ABL1: variants seen among roughly 807,000 people sequenced by gnomAD.
ABL1 encodes ABL proto-oncogene 1, non-receptor tyrosine kinase, also known as tyrosine-protein kinase ABL1.
In ABL1, 11 loss-of-function variants were observed where a neutral mutation model predicts 94.7. The observed-to-expected ratio is 0.12, with a 90% CI of 0.07 to 0.19. The LOEUF (loss-of-function observed/expected upper bound fraction) is 0.19. Ranked by LOEUF, ABL1 falls within the 10% of genes least tolerant of loss-of-function variation. The probability of loss-of-function intolerance (pLI) is 1.00; values close to 1 mark genes in which losing one functional copy is unlikely to be tolerated. For synonymous variants in ABL1, 656 were observed against 622.4 expected, an observed-to-expected ratio of 1.05 and a Z score of -0.80; for missense variants, 1,082 against 1,489.4, an observed-to-expected ratio of 0.73 and a Z score of 4.50.
chr9:130,721,697 G>T (rs1831515930), intron 1 of ABL1, among the ~76,000 whole-genome samples: 1 of 152,082 alleles, frequency 6.6e-6, no homozygotes, highest in East Asian at 1.9e-4. Context: ...GTGACAGAGT[G>T]AGACCCTGTC....
intron 1 of ABL1, among the ~76,000 whole-genome samples, chr9:130,773,936 T>C (rs547466009): frequency 6.6e-6 from 1 of 152,324 alleles, no homozygotes; most frequent in South Asian, 2.1e-4. Context: ...TATGATTCTT[T>C]GTAATTCTTC....
chr9:130,782,311 T>G (rs753038370), intron 1 of ABL1, among the ~76,000 whole-genome samples: 4 of 152,248 alleles, frequency 2.6e-5, no homozygotes, highest in Non-Finnish European at 5.9e-5. Flanking sequence ...TCCGCCTGCC[T>G]TGGCCTCCCA....
Position 130,863,169 on chromosome 9 carries a change from T to G in ABL1, c.822+134T>G. On this transcript the variant is annotated intron_variant, in intron 4 of 10. Transcript: ENST00000318560. This position sits in a 1 kb window ranked among gnomAD's most constrained non-coding sequence, Gnocchi z 4.3. ...TCATTGGCGCCACGGAATTGACTTT[T>G]CCGTCTTATATCATTCCTGTGTCTT... The G allele has an allele frequency of 9.8e-7, 1 of 1,025,160 alleles. No homozygotes were observed. The highest frequency in any genetic ancestry group is 2.6e-5 in the East Asian group (1 of 38,162). 63.5% of individuals were successfully genotyped at this position (1,025,160 alleles called of 1,614,324 possible).
intron 1 of ABL1, among the ~76,000 whole-genome samples, chr9:130,809,751 T>G (rs977740535): frequency 6.6e-6 from 1 of 152,200 alleles, no homozygotes; most frequent in Non-Finnish European, 1.5e-5. Context: ...TCACCCACAT[T>G]AGGGAGGCCA....
intron 1 of ABL1, among the ~76,000 whole-genome samples, chr9:130,718,013 CA>C (rs35216676): frequency 0.32 from 42,566 of 131,040 alleles, 8,387 homozygotes; most frequent in African/African-American, 0.58. Context: ...ACTCTTGTCT[CA>C]AAAAAAAAAA....
chr9:130,866,752 A>G (rs894214432), intron 4 of ABL1, among the ~76,000 whole-genome samples: 1 of 152,238 alleles, frequency 6.6e-6, no homozygotes, highest in Non-Finnish European at 1.5e-5. Flanking sequence ...GCACCCTTGA[A>G]TTTTGATAGT....
At chr9:130,730,632 C>T (rs889179377) in intron 1 of ABL1, among the ~76,000 whole-genome samples, 1 of 151,736 alleles carries the variant, frequency 6.6e-6, no homozygotes, top group Non-Finnish European at 1.5e-5. Context: ...AGTCCAGTGG[C>T]ACAGTCTCGG....
chr9:130,849,863 G>A lies in ABL1; in HGVS notation c.80-4201G>A, dbSNP rs189045683. Among the ~76,000 whole-genome samples the A allele has an allele frequency of 3.9e-5, 6 of 152,218 alleles. No individual in the cohort carries two copies. In the East Asian group the frequency reaches 1.2e-3, roughly 29 times the overall value. On this transcript the variant is annotated intron_variant, in intron 1 of 10. Coordinates refer to ENST00000318560, the MANE Select transcript of ABL1 (RefSeq NM_005157.6). Reference sequence around the variant, plus strand: ...TTGTGAATTGTTTATTCGTGGCTTTGCCCCATTTTTTCCATAGTGGAGGGA... The same window carrying A: ...TTGTGAATTGTTTATTCGTGGCTTTACCCCATTTTTTCCATAGTGGAGGGA...
intron 1 of ABL1, among the ~76,000 whole-genome samples, chr9:130,826,708 C>G (rs1483041239): frequency 1.3e-5 from 2 of 152,232 alleles, no homozygotes; most frequent in South Asian, 2.1e-4. Context: ...GGTTTAGATT[C>G]TTCAAACCCC....
At position 130,884,453 on chromosome 9, in the gene ABL1, C is replaced by T. The variant is rs148885613; in HGVS notation, c.2163C>T (p.Cys721=). ...TCCTGCGCTCTTGCTCCGCCTCCTG[C>T]GTTCCCCATGGGGCCAAGGACACGG... The part of the protein sequence containing the change: ...KRFLRSCSAS[C]VPHGAKDTEW... The change falls in exon 11 of 11, where the codon TGC becomes TGT. Residue 721 remains cysteine, a synonymous_variant. Transcript: ENST00000318560. This position sits in a 1 kb window ranked among gnomAD's most constrained non-coding sequence, Gnocchi z 5.6. 6.2e-6 allele frequency: 10 copies of T among 1,612,770 alleles called. No individual in the cohort carries two copies. Among genetic ancestry groups the T allele is most frequent in the East Asian group, 2.2e-5 (1 of 44,880 alleles).
At chr9:130,716,109 C>G (rs1297619469) in intron 1 of ABL1, among the ~76,000 whole-genome samples, 3 of 91,356 alleles carry the variant, frequency 3.3e-5, no homozygotes, top group African/African-American at 1.1e-4. Flanking sequence ...TTTTTTGAGT[C>G]AGAGTCTCTG....
chr9:130,854,958 T>C lies in ABL1; in HGVS notation c.411T>C (p.Ala137=). ...ATGGGCCTGTGTCCCGCAATGCCGC[T>C]GAGTATCTGCTGAGCAGCGGGATCA... is the stretch of plus-strand genomic sequence containing the variant. The part of the protein sequence containing the change: ...WYHGPVSRNA[A]EYLLSSGING... The change falls in exon 3 of 11, where the codon GCT becomes GCC. Residue 137 remains alanine, a synonymous_variant. Coordinates refer to ENST00000318560, the MANE Select transcript of ABL1 (RefSeq NM_005157.6). 5 of 1,614,206 alleles carry C rather than the reference T, an allele frequency of 3.1e-6. No individual in the cohort carries two copies. Among genetic ancestry groups the C allele is most frequent in the South Asian group, 1.1e-5 (1 of 91,086 alleles).
chr9:130,713,791 G>A (rs1418982810), exon 1 of ABL1, among the ~76,000 whole-genome samples: 1 of 152,182 alleles, frequency 6.6e-6, no homozygotes, highest in Non-Finnish European at 1.5e-5. Context: ...TGGGTGACCC[G>A]TGTCCTTTTC....
intron 1 of ABL1, among the ~76,000 whole-genome samples, chr9:130,802,250 C>T (rs111382579): frequency 3.3e-5 from 5 of 152,032 alleles, no homozygotes; most frequent in Admixed American, 1.3e-4. Context: ...CGTGCCACCA[C>T]GCCTGGCTAA....
In ABL1 at chr9:130,863,565, G is replaced by A. The variant is rs117582278; in HGVS notation, c.822+530G>A. Among the ~76,000 whole-genome samples, 814 of 152,260 alleles carry A rather than the reference G, an allele frequency of 5.3e-3. 4 individuals carry two copies. The highest frequency in any genetic ancestry group is 0.01 in the Non-Finnish European group (706 of 68,018). ...AGGTGGAAGTGTCCCCGCTAGAAAGGCATCCAGGAAACTCGCTTTTGACCA... is the reference window on the plus strand; with the variant it reads ...AGGTGGAAGTGTCCCCGCTAGAAAGACATCCAGGAAACTCGCTTTTGACCA... On this transcript the variant is annotated intron_variant, in intron 4 of 10. Coordinates refer to ENST00000318560, the MANE Select transcript of ABL1 (RefSeq NM_005157.6). This position sits in a 1 kb window ranked among gnomAD's most constrained non-coding sequence, Gnocchi z 4.3.
At chr9:130,760,213 C>A (rs116838614) in intron 1 of ABL1, among the ~76,000 whole-genome samples, 2,762 of 152,174 alleles carry the variant, frequency 0.018, 84 homozygotes, top group African/African-American at 0.064. Flanking sequence ...GCCTGCAGAT[C>A]ATGGTGCTGT....
chr9:130,766,908 C>T (rs373450459), intron 1 of ABL1, among the ~76,000 whole-genome samples: 3 of 152,158 alleles, frequency 2.0e-5, no homozygotes, highest in Admixed American at 6.5e-5. Context: ...TCCTGTCCCT[C>T]GATGGGTACC....
chr9:130,885,485 G>T lies in ABL1; in HGVS notation c.3195G>T (p.Thr1065=), dbSNP rs746164843. 2 of 1,613,986 alleles carry T rather than the reference G, an allele frequency of 1.2e-6. No individual in the cohort carries two copies. The highest frequency in any genetic ancestry group is 2.7e-5 in the African/African-American group (2 of 74,942). The change falls in exon 11 of 11, where the codon ACG becomes ACT. Residue 1065 remains threonine (T), a synonymous_variant. Coordinates refer to ENST00000318560, the MANE Select transcript of ABL1 (RefSeq NM_005157.6). ...AVLEAGKNLY[T]FCVSYVDSIQ... The stretch of plus-strand genomic sequence containing the variant: ...TGGAGGCCGGCAAAAACCTCTACAC[G>T]TTCTGCGTGAGCTATGTGGATTCCA...
Position 130,884,741 on chromosome 9 carries a change from C to T in ABL1, c.2451C>T (p.Pro817=), listed in dbSNP as rs1344752150. The change falls in exon 11 of 11, where the codon CCC becomes CCT. Residue 817 remains proline, a synonymous_variant. Coordinates refer to ENST00000318560, the MANE Select transcript of ABL1 (RefSeq NM_005157.6). This position sits in a 1 kb window ranked among gnomAD's most constrained non-coding sequence, Gnocchi z 5.6. The stretch of plus-strand genomic sequence containing the variant: ...GCCCGCCCAACCTGACTCCAAAACC[C>T]CTCCGGCGGCAGGTCACCGTGGCCC... The part of the protein sequence containing the change: ...GSSPPNLTPK[P]LRRQVTVAPA... 2.5e-6 allele frequency: 4 copies of T among 1,612,404 alleles called. No homozygotes were observed. Among genetic ancestry groups the T allele is most frequent in the East Asian group, 4.5e-5 (2 of 44,860 alleles).
Sources: allele counts gnomAD v4.1 joint callset (sites outside exome capture counted in the v4.1 genomes callset), GRCh38; gene constraint gnomAD v4.1.1; non-coding constraint Gnocchi (gnomAD v3.1); transcripts MANE v1.5; gene names NCBI Gene and HGNC (gene_info 2026-07-23, HGNC 2026-07-21).